The following SCAPER variants were observed in gnomAD, a reference collection of about 807,000 sequenced individuals.
The protein encoded by SCAPER is S-phase cyclin A associated protein in the ER.
In SCAPER, 98 loss-of-function variants were observed where a neutral mutation model predicts 182.2. That is an observed-to-expected ratio of 0.54 (90% confidence interval 0.46 to 0.64). The LOEUF is 0.64. Ranked by LOEUF, SCAPER falls within the 30% of genes least tolerant of loss-of-function variation. The pLI, the probability that SCAPER is intolerant of heterozygous loss-of-function variation, is 0.00. For synonymous variants in SCAPER, 605 were observed against 564.6 expected (o/e 1.07, Z -1.01); for missense variants, 1,432 against 1,690.0 (o/e 0.85, Z 2.68).
chr15:76,761,363 A>G (rs1451182188), intron 14 of SCAPER, among the ~76,000 whole-genome samples: 2 of 151,994 alleles, frequency 1.3e-5, no homozygotes, highest in Admixed American at 6.6e-5. Flanking sequence ...CTTTCCATAC[A>G]GTAACTTTGG....
intron 21 of SCAPER, among the ~76,000 whole-genome samples, chr15:76,641,750 G>T (rs981621862): frequency 4.1e-4 from 62 of 152,218 alleles, no homozygotes; most frequent in Non-Finnish European, 6.8e-4. Flanking sequence ...ATTTGCATTT[G>T]GTAACACCAT....
At chr15:76,389,691 G>A (rs762969265) in intron 27 of SCAPER, among the ~76,000 whole-genome samples, 7 of 150,968 alleles carry the variant, frequency 4.6e-5, no homozygotes, top group Non-Finnish European at 7.4e-5. Context: ...GGTGGCGGGC[G>A]CCTGTAGTCC....
At chr15:76,720,799 G>C (rs2060192097) in intron 17 of SCAPER, among the ~76,000 whole-genome samples, 1 of 152,126 alleles carries the variant, frequency 6.6e-6, no homozygotes, top group South Asian at 2.1e-4. Context: ...AAATTTGTTT[G>C]AGTTCATTGT....
chr15:76,767,667 G>A (rs2063197096), intron 10 of SCAPER, among the ~76,000 whole-genome samples: 1 of 151,860 alleles, frequency 6.6e-6, no homozygotes, highest in Admixed American at 6.6e-5. Context: ...TGGTTAATAA[G>A]CCATCAAAGG....
intron 20 of SCAPER, among the ~76,000 whole-genome samples, chr15:76,668,736 C>G (rs1224544511): frequency 6.6e-6 from 1 of 152,134 alleles, no homozygotes; most frequent in Non-Finnish European, 1.5e-5. Flanking sequence ...AGGGCAATGA[C>G]TTTGTCTGTT....
At chr15:76,783,653 C>T (rs193264713) in intron 8 of SCAPER, among the ~76,000 whole-genome samples, 1 of 152,284 alleles carries the variant, frequency 6.6e-6, no homozygotes, top group East Asian at 1.9e-4. Flanking sequence ...TACTGGCAAA[C>T]CGAATCCAGC....
chr15:76,637,356 C>T (rs2053685957), intron 21 of SCAPER, among the ~76,000 whole-genome samples: 1 of 152,136 alleles, frequency 6.6e-6, no homozygotes, highest in South Asian at 2.1e-4. Flanking sequence ...CACCACTTTA[C>T]ATTCCTACTA....
At chr15:76,663,801 T>C (rs1382205190) in intron 21 of SCAPER, among the ~76,000 whole-genome samples, 1 of 152,118 alleles carries the variant, frequency 6.6e-6, no homozygotes, top group Non-Finnish European at 1.5e-5. Context: ...ACTGTCTAGA[T>C]TTTTCAAAAC....
intron 8 of SCAPER, among the ~76,000 whole-genome samples, chr15:76,793,735 C>A (rs2065145316): frequency 6.6e-6 from 1 of 152,118 alleles, no homozygotes; most frequent in Non-Finnish European, 1.5e-5. Flanking sequence ...CTTCTGTGAG[C>A]CACTCTAGCA....
chr15:76,898,650 G>A (rs1029896844), intron 1 of SCAPER, among the ~76,000 whole-genome samples: 4 of 152,314 alleles, frequency 2.6e-5, no homozygotes, highest in Admixed American at 6.5e-5. Flanking sequence ...AAAAGGCTTC[G>A]TACTGTATAA....
chr15:76,410,594 G>A (rs948358905), intron 26 of SCAPER, among the ~76,000 whole-genome samples: 2 of 152,112 alleles, frequency 1.3e-5, no homozygotes, highest in African/African-American at 4.8e-5. Context: ...AATCCTTCTT[G>A]CTTCCACTCT....
intron 2 of SCAPER, among the ~76,000 whole-genome samples, chr15:76,868,383 A>C (rs1568373007): frequency 7.0e-6 from 1 of 143,494 alleles, no homozygotes; most frequent in Non-Finnish European, 1.5e-5. Context: ...ACAGAGTGAG[A>C]CCTTGTCTCA....
intron 20 of SCAPER, among the ~76,000 whole-genome samples, chr15:76,694,622 C>T (rs1477650623): frequency 6.6e-6 from 1 of 151,908 alleles, no homozygotes; most frequent in Non-Finnish European, 1.5e-5. Context: ...AAACACATAC[C>T]AGGAACTTTC....
intron 5 of SCAPER, among the ~76,000 whole-genome samples, chr15:76,840,163 A>T (rs2069329259): frequency 6.6e-6 from 1 of 152,142 alleles, no homozygotes; most frequent in Admixed American, 6.5e-5. Flanking sequence ...CATACCTATA[A>T]TCCCACCACT....
chr15:76,565,664 T>C (rs1395870344), intron 23 of SCAPER, among the ~76,000 whole-genome samples: 1 of 152,152 alleles, frequency 6.6e-6, no homozygotes, highest in Non-Finnish European at 1.5e-5. Context: ...GAAATTTCCT[T>C]ATGCCCCTTT....
At chr15:76,641,724 C>G (rs1023226991) in intron 21 of SCAPER, among the ~76,000 whole-genome samples, 1 of 152,104 alleles carries the variant, frequency 6.6e-6, no homozygotes, top group Non-Finnish European at 1.5e-5. Context: ...GTAATTATCA[C>G]CCAGCATAAA....
intron 21 of SCAPER, among the ~76,000 whole-genome samples, chr15:76,652,579 C>T (rs1421029220): frequency 1.4e-5 from 2 of 144,030 alleles, no homozygotes; most frequent in Non-Finnish European, 1.5e-5. Context: ...GGTGTGGTGG[C>T]AGGTGCCTGT....
chr15:76,877,212 A>G (rs1481235097), intron 2 of SCAPER, among the ~76,000 whole-genome samples: 1 of 152,108 alleles, frequency 6.6e-6, no homozygotes, highest in Non-Finnish European at 1.5e-5. Context: ...GTCTTTAAAA[A>G]AAAAAAAAAA....
At chr15:76,466,278 C>T (rs2049608901) in intron 25 of SCAPER, among the ~76,000 whole-genome samples, 1 of 151,580 alleles carries the variant, frequency 6.6e-6, no homozygotes, top group Admixed American at 6.6e-5. Flanking sequence ...TCTTTTTGTT[C>T]CTCTGGGTGG....
Sources: gnomAD v4.1 joint callset for allele counts (sites outside exome capture counted in the v4.1 genomes callset) on GRCh38, gnomAD v4.1.1 for gene constraint, MANE v1.5 for transcripts, NCBI Gene and HGNC (gene_info 2026-07-23, HGNC 2026-07-21) for gene names.